Variants in WNT9B observed in about 807,000 individuals in gnomAD.
The protein encoded by WNT9B is Wnt family member 9B.
Under a neutral mutation model 30.2 loss-of-function variants are expected in WNT9B, and 12 were observed. The ratio of observed to expected loss-of-function variants is 0.40; its 90% CI spans 0.26 to 0.64. WNT9B has a LOEUF of 0.64. Ranked by LOEUF, WNT9B falls within the 30% of genes least tolerant of loss-of-function variation. WNT9B has a pLI of 0.42. For missense variants in WNT9B, 442 were observed against 485.2 expected (o/e 0.91, Z 0.84); for synonymous variants, 218 against 216.9 (o/e 1.01, Z -0.05).
At position 46,839,817 on chromosome 17, in the gene WNT9B, G is replaced by A. The variant is rs551875174; in HGVS notation, c.95+6377G>A. On this transcript the variant is annotated intron_variant, in intron 1 of 2. Transcript: ENST00000575372. ...TTGTGATAGTTTGCTGAGAATGATG[G>A]TTTCCAGCTTCATCCGTGTCCCTGC... is the stretch of plus-strand genomic sequence containing the variant. 3.9e-5 allele frequency among the ~76,000 whole-genome samples: 6 copies of A among 152,168 alleles called. No individual in the cohort carries two copies. The East Asian group carries it at 1.2e-3, about 29-fold the overall frequency.
intron 1 of WNT9B, among the ~76,000 whole-genome samples, chr17:46,865,980 G>A (rs139826059): frequency 6.6e-6 from 1 of 152,136 alleles, no homozygotes; most frequent in Non-Finnish European, 1.5e-5. Context: ...ATGAATGAGC[G>A]AGTAAGTGAA....
At chr17:46,836,806 GCTTAGTAA>G (rs2084637520) in intron 1 of WNT9B, among the ~76,000 whole-genome samples, 1 of 152,180 alleles carries the variant, frequency 6.6e-6, no homozygotes. Flanking sequence ...CAAGTATGCT[GCTTAGTAA>G]CTCCCTGGAA....
chr17:46,862,819 A>G (rs1487857221), intron 1 of WNT9B, among the ~76,000 whole-genome samples: 3 of 152,128 alleles, frequency 2.0e-5, no homozygotes, highest in Non-Finnish European at 4.4e-5. Context: ...CCTGATCTCA[A>G]GTGATCCGCC....
chr17:46,876,207 A>G (rs1320459153), intron 3 of WNT9B, 38 bp from the exon 4 acceptor site: 1 of 1,546,458 alleles, frequency 6.5e-7, no homozygotes, highest in East Asian at 2.3e-5. Context: ...TGCTGGGCCC[A>G]GGCCTCTGAC....
chr17:46,884,865 G>A (rs1201408244), downstream of WNT9B, among the ~76,000 whole-genome samples: 2 of 152,164 alleles, frequency 1.3e-5, no homozygotes, highest in East Asian at 1.9e-4. Flanking sequence ...GGAGGACTAT[G>A]GCCTGGCTTC....
intron 1 of WNT9B, among the ~76,000 whole-genome samples, chr17:46,870,559 G>A (rs189094875): frequency 3.9e-5 from 6 of 152,354 alleles, no homozygotes; most frequent in African/African-American, 7.2e-5. Flanking sequence ...GTCTCTGCTC[G>A]GAGGTTTCGG....
At chr17:46,851,542 G>GC (rs1275604967), upstream of WNT9B, 1 of 604,718 alleles carries the variant, frequency 1.7e-6, no homozygotes, top group African/African-American at 2.0e-5. The surrounding 1 kb of genome is among the most constrained non-coding windows in gnomAD (Gnocchi z 4.3). Flanking sequence ...CGCCTGCCCC[G>GC]CCCCACCCGG....
intron 2 of WNT9B, among the ~76,000 whole-genome samples, chr17:46,873,154 G>A (rs1598863183): frequency 6.6e-6 from 1 of 151,672 alleles, no homozygotes; most frequent in African/African-American, 2.4e-5. Context: ...ACATGAAGAC[G>A]TGAGGATGGG....
chr17:46,860,815 G>C (rs770895118), intron 1 of WNT9B, among the ~76,000 whole-genome samples: 1 of 152,174 alleles, frequency 6.6e-6, no homozygotes, highest in Non-Finnish European at 1.5e-5. Flanking sequence ...TGGCAACCCA[G>C]GAGGTAGGTG....
chr17:46,855,567 AAG>A (rs2084924968), intron 1 of WNT9B, among the ~76,000 whole-genome samples: 1 of 152,224 alleles, frequency 6.6e-6, no homozygotes, highest in Non-Finnish European at 1.5e-5. Flanking sequence ...AGGATTGCTG[AAG>A]AGTTTTTATT....
intron 1 of WNT9B, among the ~76,000 whole-genome samples, chr17:46,858,108 G>A (rs2084969697): frequency 6.6e-6 from 1 of 151,980 alleles, no homozygotes; most frequent in Admixed American, 6.6e-5. Flanking sequence ...TTTTGTATTT[G>A]TAGTAGAGAT....
chr17:46,841,601 G>C (rs544503658), intron 1 of WNT9B, among the ~76,000 whole-genome samples: 1 of 152,250 alleles, frequency 6.6e-6, no homozygotes, highest in Non-Finnish European at 1.5e-5. Context: ...TCGGAGAAGG[G>C]AGCGCTGGGG....
At chr17:46,837,239 C>A (rs1302654868) in intron 1 of WNT9B, among the ~76,000 whole-genome samples, 2 of 152,208 alleles carry the variant, frequency 1.3e-5, no homozygotes, top group Non-Finnish European at 2.9e-5. Context: ...CCGTGCCTGG[C>A]TGAACCTTGC....
rs1485799911 is a variant in WNT9B at position 46,851,836 on chromosome 17, C to T, written c.77+121C>T. On this transcript the variant is annotated intron_variant, in intron 1 of 3. Coordinates refer to ENST00000290015, the MANE Select transcript of WNT9B (RefSeq NM_003396.3). The surrounding 1 kb of genome is among the most constrained non-coding windows in gnomAD (Gnocchi z 4.3). ...GCCCCGCCGAGGTCTCGAACTCAGA[C>T]CCTAGCCCGGCGCGACCCAACCCAC... 2 of 470,004 alleles carry T rather than the reference C, an allele frequency of 4.3e-6. No individual in the cohort carries two copies. The highest frequency in any genetic ancestry group is 2.0e-5 in the African/African-American group (1 of 49,058). 29.1% of individuals were successfully genotyped at this position (470,004 alleles called of 1,614,324 possible). A position where few individuals can be genotyped will look rare whatever the true frequency, so the allele number is the denominator to read the frequency against.
At chr17:46,881,442 C>T (rs1442434707), downstream of WNT9B, among the ~76,000 whole-genome samples, 1 of 152,244 alleles carries the variant, frequency 6.6e-6, no homozygotes. Flanking sequence ...ACAAGGTGGA[C>T]ACCCTTCTTC....
At position 46,878,989 on chromosome 17, in the gene WNT9B, A is replaced by T. The variant is rs761938752; in HGVS notation, c.*2271A>T. Among the ~76,000 whole-genome samples, 1 of 151,818 alleles carries T rather than the reference A, an allele frequency of 6.6e-6. No individual in the cohort carries two copies. Among genetic ancestry groups the T allele is most frequent in the Non-Finnish European group, 1.5e-5 (1 of 67,988 alleles). ...CTTTTCCAGTTACCCCTGAAGACCC[A>T]CCTCGGCCCTCTTGGGGCCCCTGGG... On this transcript the variant is annotated 3_prime_UTR_variant, in exon 4 of 4. Transcript: ENST00000290015.
intron 1 of WNT9B, among the ~76,000 whole-genome samples, chr17:46,836,117 T>TGTGTGTGTGTGTGTGTGC (rs1174861662): frequency 1.3e-5 from 2 of 151,440 alleles, no homozygotes; most frequent in East Asian, 3.9e-4. Context: ...TGTGTGTGTG[T>TGTGTGTGTGTGTGTGTGC]GTGTGTGTGT....
In WNT9B at chr17:46,878,859, G is replaced by A. The variant is rs2085385461; in HGVS notation, c.*2141G>A. Among the ~76,000 whole-genome samples the A allele has an allele frequency of 6.6e-6, 1 of 152,204 alleles. No individual in the cohort carries two copies. Among genetic ancestry groups the A allele is most frequent in the East Asian group, 1.9e-4 (1 of 5,188 alleles). On this transcript the variant is annotated 3_prime_UTR_variant, in exon 4 of 4. Coordinates refer to ENST00000290015, the MANE Select transcript of WNT9B (RefSeq NM_003396.3). ...TAGGCAGTGGCTGGCTGCTAACATG[G>A]ACACCCCAAGTCAATGGCACAGTGC...
At chr17:46,874,934 GAGACCCACCCGGAGCTGTGTCCT>G in intron 2 of WNT9B, 144 bp from the exon 3 acceptor site, 3 of 1,054,788 alleles carry the variant, frequency 2.8e-6, no homozygotes, top group Non-Finnish European at 4.4e-6. Flanking sequence ...AGTTGACAGG[GAGACCCACCCGGAGCTGTGTCCT>G]CAAGCCACAT....
Sources: allele counts gnomAD v4.1 joint callset (sites outside exome capture counted in the v4.1 genomes callset), GRCh38; gene constraint gnomAD v4.1.1; non-coding constraint Gnocchi (gnomAD v3.1); transcripts MANE v1.5; gene names NCBI Gene and HGNC (gene_info 2026-07-23, HGNC 2026-07-21).